CDH12: variants seen among roughly 807,000 people sequenced by gnomAD.
The protein encoded by CDH12 is cadherin 12, also known as cadherin-12.
A neutral mutation model predicts 74.1 loss-of-function variants in CDH12; 41 were observed. That is an observed-to-expected ratio of 0.55 (90% CI 0.43 to 0.72). The LOEUF (loss-of-function observed/expected upper bound fraction) is 0.72. Ranked by LOEUF, CDH12 falls within the 30% of genes least tolerant of loss-of-function variation. The pLI is 0.00. For synonymous variants in CDH12, 399 were observed against 355.0 expected, an observed-to-expected ratio of 1.12 and a Z score of -1.39; for missense variants, 945 against 977.2, an observed-to-expected ratio of 0.97 and a Z score of 0.44.
intron 3 of CDH12, among the ~76,000 whole-genome samples, chr5:22,300,301 T>C (rs1737821294): frequency 3.9e-5 from 6 of 152,194 alleles, no homozygotes; most frequent in African/African-American, 9.6e-5. Flanking sequence ...GAATCCACCA[T>C]ATGTATGCAC....
At chr5:22,055,556 A>T in intron 5 of CDH12, among the ~76,000 whole-genome samples, 1 of 152,108 alleles carries the variant, frequency 6.6e-6, no homozygotes, top group East Asian at 1.9e-4. Context: ...TATTGAGAAC[A>T]AATTTTTTTT....
intron 5 of CDH12, among the ~76,000 whole-genome samples, chr5:22,022,517 CT>C (rs1306290851): frequency 5.3e-5 from 8 of 151,952 alleles, no homozygotes; most frequent in Admixed American, 5.3e-4. Flanking sequence ...TCAGGTAGTT[CT>C]TTGTAGCAGT....
chr5:21,758,192 A>G (rs1744509261), intron 13 of CDH12, among the ~76,000 whole-genome samples: 1 of 152,162 alleles, frequency 6.6e-6, no homozygotes, highest in Non-Finnish European at 1.5e-5. Context: ...AACATTATAA[A>G]TATTTCCCCC....
At chr5:22,724,592 C>A (rs1478864001) in intron 1 of CDH12, among the ~76,000 whole-genome samples, 2 of 151,858 alleles carry the variant, frequency 1.3e-5, no homozygotes, top group African/African-American at 2.4e-5. Flanking sequence ...AGTAGTATTC[C>A]ATGGTGTATA....
intron 6 of CDH12, among the ~76,000 whole-genome samples, chr5:21,894,678 C>G (rs979152109): frequency 6.6e-6 from 1 of 152,068 alleles, no homozygotes; most frequent in African/African-American, 2.4e-5. Flanking sequence ...AAGAACATTA[C>G]CCCTTTTTTG....
intron 2 of CDH12, among the ~76,000 whole-genome samples, chr5:22,479,279 CCTAGTGGA>C (rs1746292850): frequency 6.6e-6 from 1 of 152,100 alleles, no homozygotes; most frequent in African/African-American, 2.4e-5. Flanking sequence ...GGTAACAGTT[CCTAGTGGA>C]CTATAACAAG....
chr5:22,577,319 A>G (rs1442894893), intron 1 of CDH12, among the ~76,000 whole-genome samples: 1 of 152,232 alleles, frequency 6.6e-6, no homozygotes, highest in Non-Finnish European at 1.5e-5. Context: ...TATAGAACGG[A>G]TAAGTGAATA....
chr5:22,506,302 G>A (rs1356372500), intron 1 of CDH12, among the ~76,000 whole-genome samples: 1 of 151,948 alleles, frequency 6.6e-6, no homozygotes, highest in African/African-American at 2.4e-5. Flanking sequence ...CCATTTGTTT[G>A]TTTCCTTGTT....
At chr5:21,889,497 G>A (rs1752799314) in intron 6 of CDH12, 10 of 774,712 alleles carry the variant, frequency 1.3e-5, no homozygotes, top group Non-Finnish European at 1.6e-5. Context: ...CTTATCTTTT[G>A]AAAGAAAAAT....
At chr5:21,954,377 T>G (rs1436402732) in intron 6 of CDH12, among the ~76,000 whole-genome samples, 1 of 151,914 alleles carries the variant, frequency 6.6e-6, no homozygotes, top group African/African-American at 2.4e-5. Context: ...GTAGTGTGTG[T>G]GAGTGCCTGC....
chr5:22,377,808 C>T (rs1489444913), intron 3 of CDH12, among the ~76,000 whole-genome samples: 1 of 152,062 alleles, frequency 6.6e-6, no homozygotes, highest in Non-Finnish European at 1.5e-5. Context: ...CCCTAAATTC[C>T]TAACAGTAAA....
chr5:21,874,952 C>T (rs370576082), intron 6 of CDH12, among the ~76,000 whole-genome samples: 14 of 152,148 alleles, frequency 9.2e-5, no homozygotes, highest in Non-Finnish European at 1.9e-4. Flanking sequence ...AAAGGCTTGC[C>T]GCCATCTTGG....
chr5:22,442,887 C>T (rs1744681665), intron 2 of CDH12, among the ~76,000 whole-genome samples: 1 of 152,134 alleles, frequency 6.6e-6, no homozygotes, highest in Admixed American at 6.6e-5. Flanking sequence ...TCAGTCTAAT[C>T]ATTTTAAGTT....
At chr5:22,715,000 A>T (rs993225495) in intron 1 of CDH12, among the ~76,000 whole-genome samples, 2 of 152,178 alleles carry the variant, frequency 1.3e-5, no homozygotes, top group Non-Finnish European at 2.9e-5. Flanking sequence ...CCCAGGCATA[A>T]GAGAATTGTA....
intron 1 of CDH12, among the ~76,000 whole-genome samples, chr5:22,581,088 C>G (rs188845497): frequency 6.6e-6 from 1 of 152,222 alleles, no homozygotes; most frequent in East Asian, 1.9e-4. Context: ...AAATTTAAAC[C>G]AGCTGCAGAA....
chr5:22,417,543 C>T (rs1371129065), intron 2 of CDH12, among the ~76,000 whole-genome samples: 1 of 152,172 alleles, frequency 6.6e-6, no homozygotes, highest in Non-Finnish European at 1.5e-5. Flanking sequence ...CCTGGACTTC[C>T]CCAATTCTGG....
At chr5:22,766,866 A>T (rs1247794242) in intron 1 of CDH12, among the ~76,000 whole-genome samples, 1 of 152,054 alleles carries the variant, frequency 6.6e-6, no homozygotes, top group African/African-American at 2.4e-5. Context: ...AATATTACAC[A>T]ATTTTATCTA....
At chr5:22,269,455 G>C (rs1261511956) in intron 3 of CDH12, among the ~76,000 whole-genome samples, 1 of 152,080 alleles carries the variant, frequency 6.6e-6, no homozygotes, top group African/African-American at 2.4e-5. Context: ...TTTGCACCCT[G>C]AATAGCATTT....
intron 1 of CDH12, among the ~76,000 whole-genome samples, chr5:22,620,450 A>G (rs990638513): frequency 4.6e-5 from 7 of 152,114 alleles, no homozygotes; most frequent in South Asian, 2.1e-4. Flanking sequence ...ACTCACAAAC[A>G]AAACACTACA....
Sources: allele counts gnomAD v4.1 joint callset (sites outside exome capture counted in the v4.1 genomes callset), GRCh38; gene constraint gnomAD v4.1.1; transcripts MANE v1.5; gene names NCBI Gene and HGNC (gene_info 2026-07-23, HGNC 2026-07-21).